The following PBX1 variants were observed in gnomAD, a reference collection of about 807,000 sequenced individuals.
PBX1 encodes PBX homeobox 1, also known as pre-B-cell leukemia transcription factor 1.
In PBX1, 6 loss-of-function variants were observed where a neutral mutation model predicts 53.4. The observed-to-expected ratio is 0.11, with a 90% confidence interval of 0.06 to 0.22. The LOEUF is 0.22. Among genes scored for constraint, PBX1 ranks in the 10% least tolerant of loss-of-function variants. The pLI, the probability that PBX1 is intolerant of heterozygous loss-of-function variation, is 1.00. For synonymous variants in PBX1, 204 were observed against 212.3 expected (o/e 0.96, Z 0.34); for missense variants, 251 against 551.4 (o/e 0.46, Z 5.46).
At chr1:164,767,887 A>G (rs1467178287) in intron 2 of PBX1, among the ~76,000 whole-genome samples, 1 of 152,202 alleles carries the variant, frequency 6.6e-6, no homozygotes, top group Non-Finnish European at 1.5e-5. Flanking sequence ...TAAAAACCAC[A>G]GGGTATTTAA....
At chr1:164,736,817 ACTGTGTTTCTT>A (rs1665315067) in intron 2 of PBX1, among the ~76,000 whole-genome samples, 1 of 152,218 alleles carries the variant, frequency 6.6e-6, no homozygotes. Flanking sequence ...TAGTGAGAGT[ACTGTGTTTCTT>A]ATTGTCTAGT....
chr1:164,725,581 T>G (rs1664658293), intron 2 of PBX1, among the ~76,000 whole-genome samples: 1 of 152,124 alleles, frequency 6.6e-6, no homozygotes, highest in South Asian at 2.1e-4. Flanking sequence ...TTTGCCAAAC[T>G]GGCTGATTAC....
chr1:164,803,128 C>T (rs1334984506), intron 4 of PBX1, among the ~76,000 whole-genome samples: 1 of 152,188 alleles, frequency 6.6e-6, no homozygotes, highest in East Asian at 1.9e-4. Context: ...CTTAGATTTA[C>T]TGGCTTATCT....
intron 2 of PBX1, among the ~76,000 whole-genome samples, chr1:164,688,345 A>G (rs532487387): frequency 6.6e-6 from 1 of 152,324 alleles, no homozygotes; most frequent in African/African-American, 2.4e-5. Flanking sequence ...TTGAGTACAG[A>G]TCAATTACAA....
chr1:164,786,713 G>A (rs1668200867), intron 2 of PBX1, among the ~76,000 whole-genome samples: 1 of 145,710 alleles, frequency 6.9e-6, no homozygotes, highest in Admixed American at 6.7e-5. Context: ...GTGTGTGTGT[G>A]TGTGTGTGCG....
intron 2 of PBX1, chr1:164,590,505 T>G (rs1211715434): frequency 1.8e-5 from 8 of 455,644 alleles, no homozygotes; most frequent in Non-Finnish European, 3.5e-5. Flanking sequence ...AGTTGAGAGG[T>G]GCCGTTTTTG....
chr1:164,601,235 CAAAAAAAA>C (rs746798555), intron 2 of PBX1, among the ~76,000 whole-genome samples: 2 of 33,998 alleles, frequency 5.9e-5, no homozygotes, highest in African/African-American at 9.0e-5. Context: ...GATTCTGTCT[CAAAAAAAA>C]AAAAAAAAAA....
chr1:164,847,160 A>C lies in PBX1; in HGVS notation c.*484A>C. The C allele has an allele frequency of 9.2e-7, 1 of 1,086,770 alleles. No individual in the cohort carries two copies. The highest frequency in any genetic ancestry group is 1.1e-6 in the Non-Finnish European group (1 of 890,064). 67.3% of individuals were successfully genotyped at this position (1,086,770 alleles called of 1,614,324 possible). The stretch of plus-strand genomic sequence containing the variant: ...GCAATCCTTCTCTGTTTCTCTTATT[A>C]CTCTCACTACCTCTTAGCAGGAATA... On this transcript the variant is annotated 3_prime_UTR_variant, in exon 9 of 9. Coordinates refer to ENST00000420696, the MANE Select transcript of PBX1 (RefSeq NM_002585.4).
chr1:164,716,547 C>G (rs1396793996), intron 2 of PBX1, among the ~76,000 whole-genome samples: 1 of 152,090 alleles, frequency 6.6e-6, no homozygotes, highest in Non-Finnish European at 1.5e-5. Context: ...TGATAAGTCT[C>G]TGGTACTGAG....
chr1:164,688,182 C>T (rs775082380), intron 2 of PBX1, among the ~76,000 whole-genome samples: 50 of 152,282 alleles, frequency 3.3e-4, no homozygotes, highest in Non-Finnish European at 6.0e-4. Context: ...ATCTTTGAAA[C>T]GTGTGCATCC....
At chr1:164,598,856 C>G (rs141173404) in intron 2 of PBX1, among the ~76,000 whole-genome samples, 7 of 152,028 alleles carry the variant, frequency 4.6e-5, no homozygotes, top group Admixed American at 4.6e-4. Flanking sequence ...TAAAACTACC[C>G]GGAGGTAGGA....
chr1:164,754,614 T>C (rs1446158093), intron 2 of PBX1, among the ~76,000 whole-genome samples: 1 of 152,208 alleles, frequency 6.6e-6, no homozygotes, highest in Non-Finnish European at 1.5e-5. Context: ...CCCTACTTTT[T>C]TCAACAGGGT....
intron 2 of PBX1, among the ~76,000 whole-genome samples, chr1:164,650,599 TAGAG>T (rs763316678): frequency 1.4e-4 from 21 of 152,166 alleles, no homozygotes; most frequent in Non-Finnish European, 2.8e-4. Flanking sequence ...ATGTGGAGAA[TAGAG>T]AGCCATCATA....
intron 2 of PBX1, among the ~76,000 whole-genome samples, chr1:164,679,923 G>A (rs1359695863): frequency 1.2e-4 from 1 of 8,078 alleles, no homozygotes; most frequent in Non-Finnish European, 2.8e-4. Flanking sequence ...CCAAACTCCT[G>A]CTGGTTTTTT....
intron 2 of PBX1, chr1:164,700,345 A>T: frequency 1.9e-6 from 1 of 539,730 alleles, no homozygotes; most frequent in Non-Finnish European, 2.4e-6. Flanking sequence ...ATGTGCCAGG[A>T]TTGCTGGGTT....
chr1:164,829,010 A>G (rs2102383939), intron 8 of PBX1: 1 of 152,346 alleles, frequency 6.6e-6, no homozygotes, highest in African/African-American at 2.4e-5. Context: ...TCAATTTGAT[A>G]GTATTAGTAA....
chr1:164,781,664 A>G (rs1667942787), intron 2 of PBX1, among the ~76,000 whole-genome samples: 1 of 152,116 alleles, frequency 6.6e-6, no homozygotes, highest in Non-Finnish European at 1.5e-5. Context: ...AGGGCACCCG[A>G]TACCCTCACT....
At chr1:164,697,959 T>C (rs917692381) in intron 2 of PBX1, among the ~76,000 whole-genome samples, 1 of 152,186 alleles carries the variant, frequency 6.6e-6, no homozygotes, top group Admixed American at 6.5e-5. Flanking sequence ...TAGATCCCAG[T>C]TGGTCTTAAC....
At chr1:164,835,582 T>C (rs539476287) in intron 8 of PBX1, among the ~76,000 whole-genome samples, 10 of 152,340 alleles carry the variant, frequency 6.6e-5, no homozygotes, top group African/African-American at 2.4e-4. Context: ...ACATTTTTTA[T>C]ATGTTTATTG....
Sources: gnomAD v4.1 joint callset for allele counts (sites outside exome capture counted in the v4.1 genomes callset) on GRCh38, gnomAD v4.1.1 for gene constraint, MANE v1.5 for transcripts, NCBI Gene and HGNC (gene_info 2026-07-23, HGNC 2026-07-21) for gene names.